The following GARIN1B variants were observed in gnomAD, a reference collection of about 807,000 sequenced individuals.
GARIN1B encodes the protein Golgi-associated RAB2 interactor protein 1B.
chr7:128,728,640 C>A, the GARIN1B span, among the ~76,000 whole-genome samples: 1 of 152,294 alleles, frequency 6.6e-6, no homozygotes, highest in African/African-American at 2.4e-5. Context: ...TGTTGCCATG[C>A]TGGAATCCAG....
chr7:128,710,568 C>T, the GARIN1B span, among the ~76,000 whole-genome samples: 1 of 152,208 alleles, frequency 6.6e-6, no homozygotes, highest in East Asian at 1.9e-4. Flanking sequence ...GTCATATTCT[C>T]AAGCCTGTCA....
the GARIN1B span, among the ~76,000 whole-genome samples, chr7:128,729,550 A>C: frequency 1.3e-5 from 2 of 152,216 alleles, no homozygotes; most frequent in Non-Finnish European, 2.9e-5. Flanking sequence ...GGCCATTGCT[A>C]GTTCAGCTAG....
the GARIN1B span, chr7:128,715,536 C>A: frequency 1.9e-6 from 3 of 1,614,122 alleles, no homozygotes; most frequent in South Asian, 2.2e-5. Context: ...TCCCTGAATG[C>A]CTGGGAAGAA....
chr7:128,711,767 G>A, the GARIN1B span, among the ~76,000 whole-genome samples: 304 of 152,218 alleles, frequency 2.0e-3, 2 homozygotes, highest in South Asian at 4.4e-3. Flanking sequence ...ATTGCTGGCC[G>A]TGGTGGCTCA....
chr7:128,727,614 CCCCATCTCA>C, the GARIN1B span, among the ~76,000 whole-genome samples: 4 of 152,162 alleles, frequency 2.6e-5, no homozygotes, highest in Admixed American at 1.3e-4. Flanking sequence ...CACAATCTTC[CCCCATCTCA>C]CCCATCTCAC....
the GARIN1B span, among the ~76,000 whole-genome samples, chr7:128,723,027 G>A: frequency 2.0e-5 from 3 of 152,164 alleles, no homozygotes; most frequent in Non-Finnish European, 4.4e-5. Context: ...ACCAATACGA[G>A]GAGTGTAAAC....
chr7:128,726,931 AG>A, the GARIN1B span: 1 of 1,477,122 alleles, frequency 6.8e-7, no homozygotes, highest in Non-Finnish European at 9.4e-7. Flanking sequence ...TATAAGAATA[AG>A]ATCCCCTCCA....
chr7:128,724,320 C>G, the GARIN1B span, among the ~76,000 whole-genome samples: 9 of 152,280 alleles, frequency 5.9e-5, no homozygotes, highest in South Asian at 1.0e-3. Flanking sequence ...CATGTAAAAC[C>G]TAATTTCTAA....
chr7:128,721,771 A>G, the GARIN1B span, among the ~76,000 whole-genome samples: 1 of 152,186 alleles, frequency 6.6e-6, no homozygotes, highest in Non-Finnish European at 1.5e-5. Flanking sequence ...CTTTCTTCCT[A>G]TTTATTGAAA....
At chr7:128,717,070 T>A in the GARIN1B span, 1 of 1,355,474 alleles carries the variant, frequency 7.4e-7, no homozygotes, top group Admixed American at 2.3e-5. Context: ...GCTTGACTAC[T>A]AAACTCAAGG....
At chr7:128,723,402 G>A in the GARIN1B span, 1 of 1,526,266 alleles carries the variant, frequency 6.6e-7, no homozygotes, top group Non-Finnish European at 8.9e-7. Context: ...AAACCAAATA[G>A]CTTGGTTAAT....
the GARIN1B span, among the ~76,000 whole-genome samples, chr7:128,709,585 GA>G: frequency 1.3e-5 from 2 of 152,058 alleles, no homozygotes; most frequent in Non-Finnish European, 2.9e-5. Flanking sequence ...AAACTTGCTG[GA>G]AAGAGGTCTG....
chr7:128,731,419 G>A, the GARIN1B span: 1 of 480,400 alleles, frequency 2.1e-6, no homozygotes, highest in Admixed American at 3.3e-5. Context: ...GAAGTGGAAG[G>A]AAGCAAAATG....
the GARIN1B span, among the ~76,000 whole-genome samples, chr7:128,716,090 C>T: frequency 6.6e-6 from 1 of 152,226 alleles, no homozygotes; most frequent in African/African-American, 2.4e-5. Flanking sequence ...GCTCAGATTC[C>T]AGTCCTCTGC....
the GARIN1B span, among the ~76,000 whole-genome samples, chr7:128,728,434 T>C: frequency 1.8e-5 from 1 of 56,042 alleles, no homozygotes; most frequent in Non-Finnish European, 3.5e-5. Flanking sequence ...AGAGCGAGAC[T>C]CAGACTTAAA....
chr7:128,716,740 T>G, the GARIN1B span: 96 of 1,329,970 alleles, frequency 7.2e-5, no homozygotes, highest in Non-Finnish European at 9.1e-5. Flanking sequence ...GTGTCGAGGT[T>G]GAGAAACCCT....
chr7:128,717,090 A>C, the GARIN1B span: 1 of 1,144,770 alleles, frequency 8.7e-7, no homozygotes, highest in Non-Finnish European at 1.2e-6. Context: ...GAGAAGATAG[A>C]GATGTCATCA....
the GARIN1B span, among the ~76,000 whole-genome samples, chr7:128,714,962 C>G: frequency 6.6e-6 from 1 of 152,224 alleles, no homozygotes; most frequent in Admixed American, 6.5e-5. Context: ...CTTCCATAAC[C>G]TGCAGATCCA....
the GARIN1B span, among the ~76,000 whole-genome samples, chr7:128,722,067 C>A: frequency 6.6e-6 from 1 of 152,256 alleles, no homozygotes; most frequent in South Asian, 2.1e-4. Flanking sequence ...CTGTAATTTT[C>A]TTGGGATATC....
Sources: allele counts gnomAD v4.1 joint callset (sites outside exome capture counted in the v4.1 genomes callset), GRCh38; gene constraint gnomAD v4.1.1; transcripts MANE v1.5; gene names NCBI Gene and HGNC (gene_info 2026-07-23, HGNC 2026-07-21).